FMNL2: variants seen among roughly 807,000 people sequenced by gnomAD.
The protein encoded by FMNL2 is formin like 2.
FMNL2 carries 51 observed loss-of-function variants against 130.2 expected under a neutral mutation model. The ratio of observed to expected loss-of-function variants is 0.39; its 90% CI spans 0.31 to 0.49. The LOEUF (loss-of-function observed/expected upper bound fraction) is 0.49. Among genes scored for constraint, FMNL2 ranks in the 20% least tolerant of loss-of-function variants. FMNL2 has a pLI of 0.85. For missense variants in FMNL2, 977 were observed against 1,316.2 expected (o/e 0.74, Z 3.99); for synonymous variants, 465 against 467.1 (o/e 1.00, Z 0.06).
At chr2:152,481,588 G>A (rs986864974) in intron 1 of FMNL2, among the ~76,000 whole-genome samples, 9 of 152,202 alleles carry the variant, frequency 5.9e-5, no homozygotes, top group Non-Finnish European at 1.5e-5. Flanking sequence ...AGCCTCCCAG[G>A]TGAGTCTAAC....
chr2:152,515,085 C>T (rs1474599636), intron 1 of FMNL2, among the ~76,000 whole-genome samples: 1 of 152,116 alleles, frequency 6.6e-6, no homozygotes, highest in Non-Finnish European at 1.5e-5. Flanking sequence ...GCCCAGGTGG[C>T]CCATCTCCAA....
intron 1 of FMNL2, among the ~76,000 whole-genome samples, chr2:152,487,007 T>C (rs1208697044): frequency 1.3e-5 from 2 of 152,242 alleles, no homozygotes; most frequent in East Asian, 1.9e-4. Flanking sequence ...GTTGGCTCTT[T>C]TGCATAATCC....
intron 1 of FMNL2, among the ~76,000 whole-genome samples, chr2:152,339,920 C>T (rs189181230): frequency 1.6e-3 from 244 of 152,240 alleles, no homozygotes; most frequent in African/African-American, 5.7e-3. Flanking sequence ...GTGGCTCACC[C>T]CTATAATCCC....
chr2:152,555,787 A>G (rs952319845), intron 4 of FMNL2, among the ~76,000 whole-genome samples: 1 of 152,238 alleles, frequency 6.6e-6, no homozygotes, highest in Non-Finnish European at 1.5e-5. Context: ...AAATAATTCA[A>G]CTTTCCAAAA....
At chr2:152,429,456 G>A (rs1182705055) in intron 1 of FMNL2, among the ~76,000 whole-genome samples, 1 of 152,138 alleles carries the variant, frequency 6.6e-6, no homozygotes, top group African/African-American at 2.4e-5. Flanking sequence ...CCATTTCAGC[G>A]ATAGAGGTTT....
At position 152,520,078 on chromosome 2, in the gene FMNL2, GT is replaced by G. The variant is rs201951197; in HGVS notation, c.118-1856del. Reference sequence around the variant, plus strand: ...AATTCTCCTTTGCCTTATCCCAGGAGTTTTTTTTTAACATTGTCAAATTGTA... The same window carrying G: ...AATTCTCCTTTGCCTTATCCCAGGAGTTTTTTTTAACATTGTCAAATTGTA... On this transcript the variant is annotated intron_variant, in intron 1 of 25. Coordinates refer to ENST00000288670, the MANE Select transcript of FMNL2 (RefSeq NM_052905.4). Among the ~76,000 whole-genome samples the G allele has an allele frequency of 8.6e-3, 1,314 of 152,010 alleles. 18 individuals are homozygous for G. Among genetic ancestry groups the G allele is most frequent in the African/African-American group, 0.028 (1,176 of 41,424 alleles).
At chr2:152,490,913 C>A (rs1691149512) in intron 1 of FMNL2, among the ~76,000 whole-genome samples, 3 of 152,016 alleles carry the variant, frequency 2.0e-5, no homozygotes, top group Admixed American at 1.3e-4. Context: ...GAAAAAACAT[C>A]ATCTTCAATG....
chr2:152,504,031 A>C (rs1692007445), intron 1 of FMNL2, among the ~76,000 whole-genome samples: 1 of 152,190 alleles, frequency 6.6e-6, no homozygotes, highest in Non-Finnish European at 1.5e-5. Context: ...TCTCTACTAA[A>C]AATACAAAAA....
chr2:152,556,502 GA>G (rs1695212832), intron 4 of FMNL2, among the ~76,000 whole-genome samples: 1 of 152,196 alleles, frequency 6.6e-6, no homozygotes, highest in Non-Finnish European at 1.5e-5. Flanking sequence ...TAAGGACTCT[GA>G]AGTGAAGTAA....
intron 1 of FMNL2, among the ~76,000 whole-genome samples, chr2:152,415,560 A>G (rs1398147300): frequency 6.6e-6 from 1 of 152,200 alleles, no homozygotes; most frequent in African/African-American, 2.4e-5. Context: ...GAATCTAGGC[A>G]TACCTCAGGT....
At chr2:152,465,922 A>T (rs1689507317) in intron 1 of FMNL2, among the ~76,000 whole-genome samples, 1 of 152,216 alleles carries the variant, frequency 6.6e-6, no homozygotes, top group South Asian at 2.1e-4. Flanking sequence ...AGAGTTTATG[A>T]CCAGGACCAG....
intron 6 of FMNL2, among the ~76,000 whole-genome samples, chr2:152,570,634 T>A (rs1034033961): frequency 1.2e-4 from 18 of 152,290 alleles, no homozygotes; most frequent in African/African-American, 2.6e-4. Flanking sequence ...CATATTTCAT[T>A]TCCTGTTTTT....
At chr2:152,418,021 A>G (rs992515843) in intron 1 of FMNL2, among the ~76,000 whole-genome samples, 20 of 151,564 alleles carry the variant, frequency 1.3e-4, no homozygotes, top group East Asian at 3.9e-4. Context: ...AATTTTTTGT[A>G]TTTTAGTAGA....
chr2:152,492,983 A>G (rs1339031401), intron 1 of FMNL2, among the ~76,000 whole-genome samples: 1 of 152,218 alleles, frequency 6.6e-6, no homozygotes, highest in Non-Finnish European at 1.5e-5. Flanking sequence ...ACTGCCCAAC[A>G]TGAAGCCAAC....
At chr2:152,392,547 G>A (rs892797288) in intron 1 of FMNL2, among the ~76,000 whole-genome samples, 2 of 152,168 alleles carry the variant, frequency 1.3e-5, no homozygotes, top group African/African-American at 4.8e-5. Context: ...GGAGCATTTG[G>A]TGAGGACCCT....
chr2:152,641,721 AC>A (rs1282234604), intron 25 of FMNL2, among the ~76,000 whole-genome samples: 2 of 151,952 alleles, frequency 1.3e-5, no homozygotes, highest in Non-Finnish European at 2.9e-5. Context: ...CACTCTACCT[AC>A]CCCCATATCC....
Position 152,335,570 on chromosome 2 carries a change from C to T in FMNL2, c.-34C>T, listed in dbSNP as rs758863074. 7.7e-6 allele frequency: 12 copies of T among 1,550,966 alleles called. No homozygotes were observed. The highest frequency in any genetic ancestry group is 1.7e-4 in the Middle Eastern group (1 of 5,878). The stretch of plus-strand genomic sequence containing the variant: ...GATTTCCGACGCGCACGCTAGGGGC[C>T]CGGAGCAGCCCCCGGCCCCGGCGCG... On this transcript the variant is annotated 5_prime_UTR_variant, in exon 1 of 26. Coordinates refer to ENST00000288670, the MANE Select transcript of FMNL2 (RefSeq NM_052905.4).
At chr2:152,646,373 C>T (rs1683565880) in intron 25 of FMNL2, among the ~76,000 whole-genome samples, 1 of 151,696 alleles carries the variant, frequency 6.6e-6, no homozygotes, top group Non-Finnish European at 1.5e-5. Context: ...GGCAGGGTCA[C>T]ACAAATTCCA....
At chr2:152,444,999 G>A (rs1244718936) in intron 1 of FMNL2, among the ~76,000 whole-genome samples, 3 of 152,226 alleles carry the variant, frequency 2.0e-5, no homozygotes, top group African/African-American at 4.8e-5. Context: ...AAAGCCAGTT[G>A]GGGGAGGTAT....
Sources: allele counts gnomAD v4.1 joint callset (sites outside exome capture counted in the v4.1 genomes callset), GRCh38; gene constraint gnomAD v4.1.1; transcripts MANE v1.5; gene names NCBI Gene and HGNC (gene_info 2026-07-23, HGNC 2026-07-21).